The following PDCD1LG2 variants were observed in gnomAD, a reference collection of about 807,000 sequenced individuals.
PDCD1LG2 encodes the protein programmed cell death 1 ligand 2.
PDCD1LG2 carries 32 observed loss-of-function variants against 28.2 expected under a neutral mutation model. The observed-to-expected ratio is 1.13, with a 90% CI of 0.86 to 1.52. PDCD1LG2 has a LOEUF of 1.52. Among genes scored for constraint, PDCD1LG2 ranks in the 40% most tolerant of loss-of-function variants. PDCD1LG2 has a pLI of 0.00. For synonymous variants in PDCD1LG2, 116 were observed against 120.2 expected (o/e 0.97, Z 0.23); for missense variants, 385 against 323.8 (o/e 1.19, Z -1.45).
At chr9:5,515,139 T>C (rs1191670933) in intron 1 of PDCD1LG2, among the ~76,000 whole-genome samples, 2 of 152,234 alleles carry the variant, frequency 1.3e-5, no homozygotes, top group African/African-American at 2.4e-5. Flanking sequence ...GTTCACTACC[T>C]GTGGTTTGGT....
chr9:5,568,784 C>G (rs1379014464), intron 6 of PDCD1LG2, among the ~76,000 whole-genome samples: 1 of 152,214 alleles, frequency 6.6e-6, no homozygotes, highest in African/African-American at 2.4e-5. Flanking sequence ...CAGCTTCACT[C>G]ACCTGTGCCC....
chr9:5,559,670 G>C (rs1165262255), intron 5 of PDCD1LG2, among the ~76,000 whole-genome samples: 1 of 152,184 alleles, frequency 6.6e-6, no homozygotes, highest in South Asian at 2.1e-4. Flanking sequence ...TTCCTAACTG[G>C]TTTCCCTGTA....
chr9:5,555,533 C>T (rs950329989), intron 4 of PDCD1LG2, among the ~76,000 whole-genome samples: 1 of 152,158 alleles, frequency 6.6e-6, no homozygotes, highest in East Asian at 1.9e-4. Context: ...AATGAAGAGA[C>T]CTCGAAATAC....
chr9:5,552,200 T>C (rs1224751883), intron 4 of PDCD1LG2, among the ~76,000 whole-genome samples: 1 of 152,240 alleles, frequency 6.6e-6, no homozygotes, highest in African/African-American at 2.4e-5. Context: ...AGACATACTC[T>C]TCCTTGTCTC....
chr9:5,547,288 C>T (rs7874637), intron 3 of PDCD1LG2, among the ~76,000 whole-genome samples: 7,798 of 152,202 alleles, frequency 0.051, 648 homozygotes, highest in African/African-American at 0.17. Context: ...TTCAAGACTA[C>T]ACTTACTTCA....
intron 4 of PDCD1LG2, among the ~76,000 whole-genome samples, chr9:5,555,633 A>G (rs1816424993): frequency 6.6e-6 from 1 of 152,202 alleles, no homozygotes; most frequent in African/African-American, 2.4e-5. Context: ...AGAGTCATTC[A>G]GTGATCCAGA....
chr9:5,529,982 C>A (rs148953177), intron 2 of PDCD1LG2, among the ~76,000 whole-genome samples: 3 of 151,874 alleles, frequency 2.0e-5, no homozygotes, highest in Admixed American at 6.6e-5. Context: ...AGCACCCCCC[C>A]ACCCCACCCT....
At chr9:5,524,725 A>T (rs1163083800) in intron 2 of PDCD1LG2, among the ~76,000 whole-genome samples, 1 of 152,182 alleles carries the variant, frequency 6.6e-6, no homozygotes, top group East Asian at 1.9e-4. Flanking sequence ...GGTAAAAAGG[A>T]TAGTCTTATC....
chr9:5,533,043 C>T (rs1173246114), intron 2 of PDCD1LG2, among the ~76,000 whole-genome samples: 1 of 152,208 alleles, frequency 6.6e-6, no homozygotes, highest in African/African-American at 2.4e-5. Context: ...CTATGCTCTT[C>T]CGTATCACAT....
chr9:5,543,793 G>T (rs1820739720), intron 3 of PDCD1LG2, among the ~76,000 whole-genome samples: 1 of 138,870 alleles, frequency 7.2e-6, no homozygotes, highest in African/African-American at 2.7e-5. Context: ...GGGAAGCCTA[G>T]GAGTAAAATA....
chr9:5,558,847 A>T (rs1816499660), intron 5 of PDCD1LG2, among the ~76,000 whole-genome samples: 1 of 152,202 alleles, frequency 6.6e-6, no homozygotes, highest in South Asian at 2.1e-4. Flanking sequence ...AAAACAGGAG[A>T]TGGAGAAGAA....
At chr9:5,519,690 C>A (rs1159187431) in intron 1 of PDCD1LG2, among the ~76,000 whole-genome samples, 5 of 152,186 alleles carry the variant, frequency 3.3e-5, no homozygotes, top group Non-Finnish European at 7.3e-5. Flanking sequence ...ACCCCAACTG[C>A]CTACTAAACA....
intron 2 of PDCD1LG2, among the ~76,000 whole-genome samples, chr9:5,526,453 T>C (rs1378224808): frequency 6.6e-6 from 1 of 152,148 alleles, no homozygotes; most frequent in Non-Finnish European, 1.5e-5. Context: ...ACAAAACTTT[T>C]TAGAGACAGG....
intron 3 of PDCD1LG2, among the ~76,000 whole-genome samples, chr9:5,537,007 T>C (rs1278604539): frequency 6.6e-6 from 1 of 152,222 alleles, no homozygotes; most frequent in Non-Finnish European, 1.5e-5. Flanking sequence ...AAAGAATGAT[T>C]GGGAACATTG....
chr9:5,558,698 T>G (rs1321679604), intron 5 of PDCD1LG2, among the ~76,000 whole-genome samples: 2 of 152,282 alleles, frequency 1.3e-5, no homozygotes, highest in South Asian at 4.1e-4. Context: ...CATGTTCTAT[T>G]TGTCCATTGC....
At chr9:5,566,113 G>A (rs574909278) in intron 6 of PDCD1LG2, among the ~76,000 whole-genome samples, 1 of 152,118 alleles carries the variant, frequency 6.6e-6, no homozygotes, top group East Asian at 1.9e-4. Flanking sequence ...GCTCTAGGCT[G>A]CCCGGGAGCC....
intron 4 of PDCD1LG2, among the ~76,000 whole-genome samples, chr9:5,552,703 A>T (rs939614214): frequency 6.6e-6 from 1 of 152,142 alleles, no homozygotes; most frequent in African/African-American, 2.4e-5. Context: ...GACTCCAAGA[A>T]CTTTGCAGTG....
At chr9:5,533,645 C>A (rs2129785600) in intron 2 of PDCD1LG2, among the ~76,000 whole-genome samples, 1 of 152,062 alleles carries the variant, frequency 6.6e-6, no homozygotes, top group Non-Finnish European at 1.5e-5. Flanking sequence ...AATTTAACTC[C>A]CTTTAGGCTT....
intron 3 of PDCD1LG2, among the ~76,000 whole-genome samples, chr9:5,535,389 T>C (rs569038250): frequency 1.3e-5 from 2 of 152,308 alleles, no homozygotes; most frequent in African/African-American, 4.8e-5. Flanking sequence ...ATTATTAAGA[T>C]ACTCTTTTTC....
Sources: allele counts gnomAD v4.1 joint callset (sites outside exome capture counted in the v4.1 genomes callset), GRCh38; gene constraint gnomAD v4.1.1; transcripts MANE v1.5; gene names NCBI Gene and HGNC (gene_info 2026-07-23, HGNC 2026-07-21).